SMARCAL1: variants seen among roughly 807,000 people sequenced by gnomAD.
SMARCAL1 encodes SNF2 related chromatin remodeling annealing helicase 1, also known as ATP-driven annealing helicase.
In SMARCAL1, 58 loss-of-function variants were observed where a neutral mutation model predicts 94.5. The ratio of observed to expected loss-of-function variants is 0.61; its 90% CI spans 0.50 to 0.76. The LOEUF (loss-of-function observed/expected upper bound fraction) is 0.76, where lower values mean the gene tolerates loss of function less well. Among genes scored for constraint, SMARCAL1 ranks in the 30% least tolerant of loss-of-function variants. The pLI is 0.00. For synonymous variants in SMARCAL1, 422 were observed against 455.1 expected (o/e 0.93, Z 0.93); for missense variants, 1,051 against 1,177.9 (o/e 0.89, Z 1.58).
At chr2:216,455,162 C>T (rs1035950130) in intron 12 of SMARCAL1, among the ~76,000 whole-genome samples, 58 of 152,276 alleles carry the variant, frequency 3.8e-4, no homozygotes, top group African/African-American at 1.2e-3. Context: ...GAGGGGTGCC[C>T]GCCATTGCTG....
Position 216,425,136 on chromosome 2 carries a change from C to T in SMARCAL1, c.1147+1453C>T, listed in dbSNP as rs113416526. On this transcript the variant is annotated intron_variant, in intron 6 of 17. Coordinates refer to ENST00000357276, the MANE Select transcript of SMARCAL1 (RefSeq NM_014140.4). The stretch of plus-strand genomic sequence containing the variant: ...CCCACTCGACCTGGCAGGCTGCGCT[C>T]GGCTCACGCTACCAGTCCAGATTCC... Among the ~76,000 whole-genome samples, 344 of 152,298 alleles carry T rather than the reference C, an allele frequency of 2.3e-3. 1 individual carries two copies. The highest frequency in any genetic ancestry group is 4.1e-3 in the Non-Finnish European group (282 of 68,032).
chr2:216,423,769 C>G (rs1174930206), intron 6 of SMARCAL1, 86 bp downstream of exon 6: 3 of 1,202,894 alleles, frequency 2.5e-6, no homozygotes, highest in Non-Finnish European at 3.7e-6. Context: ...TTTGAAGAAT[C>G]TTCTCCTCCC....
intron 6 of SMARCAL1, among the ~76,000 whole-genome samples, chr2:216,427,777 A>G (rs1345959824): frequency 3.3e-5 from 5 of 152,246 alleles, no homozygotes; most frequent in African/African-American, 1.2e-4. Context: ...CGTTCACATC[A>G]GTATTTACAG....
In SMARCAL1 at chr2:216,414,823, C is replaced by T. The variant is rs1693551035; in HGVS notation, c.119C>T (p.Thr40Ile). The change falls in exon 3 of 18, where the codon ACC (threonine) becomes ATC (isoleucine). Residue 40 changes from threonine (T) to isoleucine (I), a missense_variant. By Grantham distance (89) the Thr-to-Ile change is moderately conservative. Coordinates refer to ENST00000357276, the MANE Select transcript of SMARCAL1 (RefSeq NM_014140.4). ...AEQHQRTSSG[T>I]SIAGNPFQAK... ...CAGCATCAGAGGACTAGCTCGGGCACCTCCATTGCTGGCAACCCATTCCAG... is the reference window on the plus strand; with the variant it reads ...CAGCATCAGAGGACTAGCTCGGGCATCTCCATTGCTGGCAACCCATTCCAG... The T allele has an allele frequency of 6.2e-7, 1 of 1,614,224 alleles. No individual in the cohort carries two copies. Among genetic ancestry groups the T allele is most frequent in the Non-Finnish European group, 8.5e-7 (1 of 1,180,046 alleles).
intron 12 of SMARCAL1, among the ~76,000 whole-genome samples, chr2:216,457,135 C>T (rs2106062954): frequency 6.6e-6 from 1 of 151,150 alleles, no homozygotes; most frequent in East Asian, 2.0e-4. Flanking sequence ...ACAAGAAGAG[C>T]TAACTATCCT....
rs1021161930 is a variant in SMARCAL1 at position 216,428,604 on chromosome 2, G to T, written c.1156G>T (p.Val386Leu). 2 of 1,613,608 alleles carry T rather than the reference G, an allele frequency of 1.2e-6. No individual in the cohort carries two copies. Among genetic ancestry groups the T allele is most frequent in the African/African-American group, 2.7e-5 (2 of 74,904 alleles). ...TCTGTTCTTCTTTTCAGTTGCAAAGGTGCGCTGCCTCCCACAAGTTCAGCT... is the reference window on the plus strand; with the variant it reads ...TCTGTTCTTCTTTTCAGTTGCAAAGTTGCGCTGCCTCCCACAAGTTCAGCT... ...LEEHSKLIAKVRCLPQVQLDP... is the reference protein window; with the variant it reads ...LEEHSKLIAKLRCLPQVQLDP... Residue 386 changes from valine to leucine, a missense_variant, in exon 7 of 18, where the codon GTG becomes TTG. Physicochemically the swap from Val to Leu is conservative, Grantham distance 32 (BLOSUM62 1). Coordinates refer to ENST00000357276, the MANE Select transcript of SMARCAL1 (RefSeq NM_014140.4).
intron 14 of SMARCAL1, among the ~76,000 whole-genome samples, chr2:216,471,379 G>A (rs1252427148): frequency 6.8e-6 from 1 of 146,110 alleles, no homozygotes; most frequent in African/African-American, 2.6e-5. Context: ...TTTTTGAGGT[G>A]GAGTTTTTGC....
At chr2:216,427,238 G>A (rs367704151) in intron 6 of SMARCAL1, 2 of 152,370 alleles carry the variant, frequency 1.3e-5, no homozygotes, top group East Asian at 3.9e-4. Flanking sequence ...GGAAAGGACA[G>A]TAGAGACAGT....
chr2:216,451,875 T>C (rs1023446099), intron 12 of SMARCAL1, among the ~76,000 whole-genome samples: 1 of 152,208 alleles, frequency 6.6e-6, no homozygotes, highest in Non-Finnish European at 1.5e-5. Flanking sequence ...TTCAACATCA[T>C]GAAGCATTAT....
At chr2:216,474,233 G>A (rs1278659269) in intron 14 of SMARCAL1, among the ~76,000 whole-genome samples, 2 of 140,388 alleles carry the variant, frequency 1.4e-5, no homozygotes, top group Non-Finnish European at 1.5e-5. Flanking sequence ...TCTGCCTCCC[G>A]GATTCAAGTG....
chr2:216,451,879 G>A (rs1003214926), intron 12 of SMARCAL1, among the ~76,000 whole-genome samples: 2 of 152,178 alleles, frequency 1.3e-5, no homozygotes, highest in Non-Finnish European at 2.9e-5. Flanking sequence ...ACATCATGAA[G>A]CATTATCTGG....
chr2:216,445,488 A>T (rs1054007921), intron 10 of SMARCAL1, among the ~76,000 whole-genome samples: 33 of 152,144 alleles, frequency 2.2e-4, no homozygotes, highest in Non-Finnish European at 1.5e-5. Context: ...CCTGGAGTTA[A>T]TTTCCATCAT....
chr2:216,446,907 G>A (rs284550), intron 10 of SMARCAL1, 111 bp from the exon 11 acceptor site: 20 of 1,252,720 alleles, frequency 1.6e-5, no homozygotes, highest in Middle Eastern at 1.9e-4. Context: ...CTCGCGACAC[G>A]CACGCGGTCT....
Position 216,420,410 on chromosome 2 carries a change from C to T in SMARCAL1, c.974C>T (p.Ala325Val), listed in dbSNP as rs1306445412. 7 of 1,614,184 alleles carry T rather than the reference C, an allele frequency of 4.3e-6. No individual in the cohort carries two copies. Among genetic ancestry groups the T allele is most frequent in the Non-Finnish European group, 5.9e-6 (7 of 1,180,026 alleles). ...GAGGGACAGGCCGGCCTTCCATCAG[C>T]TCCATCCCTTTCATTTGTCAAAGGG... ...SSEGQAGLPS[A>V]PSLSFVKGRC... is the part of the protein sequence containing the mutation. The change falls in exon 5 of 18, where the codon GCT becomes GTT. Residue 325 changes from alanine to valine, a missense_variant. Around this residue, in one of 3 missense-constraint regions of SMARCAL1, gnomAD observed 398 missense variants for 395.2 expected, o/e 1.01. Coordinates refer to ENST00000357276, the MANE Select transcript of SMARCAL1 (RefSeq NM_014140.4).
chr2:216,446,921 T>C, intron 10 of SMARCAL1, 97 bp from the exon 11 acceptor site: 1 of 1,477,894 alleles, frequency 6.8e-7, no homozygotes, highest in South Asian at 1.1e-5. Context: ...GCGGTCTTTT[T>C]CTGGGGGCAT....
intron 14 of SMARCAL1, among the ~76,000 whole-genome samples, chr2:216,472,809 A>C (rs1202302761): frequency 6.6e-6 from 1 of 152,136 alleles, no homozygotes. Context: ...CCATCAAGTC[A>C]GTAGAGGTTT....
intron 10 of SMARCAL1, among the ~76,000 whole-genome samples, chr2:216,443,366 CA>C (rs34568945): frequency 7.3e-3 from 591 of 81,038 alleles, no homozygotes; most frequent in Non-Finnish European, 0.011. Flanking sequence ...CACTCTGTCT[CA>C]AAAAAAAAAA....
intron 7 of SMARCAL1, among the ~76,000 whole-genome samples, chr2:216,431,752 T>A (rs1386275543): frequency 6.6e-6 from 1 of 152,200 alleles, no homozygotes; most frequent in Admixed American, 6.5e-5. Flanking sequence ...AATAGTGGAA[T>A]ACACCTTTAT....
chr2:216,414,842 A>T lies in SMARCAL1; in HGVS notation c.138A>T (p.Pro46=). The change falls in exon 3 of 18, where the codon CCA becomes CCT. Residue 46 remains proline, a synonymous_variant. Coordinates refer to ENST00000357276, the MANE Select transcript of SMARCAL1 (RefSeq NM_014140.4). ...CGGGCACCTCCATTGCTGGCAACCC[A>T]TTCCAGGCCAAGCAAGGCCCATCCC... The part of the protein sequence containing the change: ...TSSGTSIAGN[P]FQAKQGPSQN... 1 of 1,614,202 alleles carries T rather than the reference A, an allele frequency of 6.2e-7. No individual in the cohort carries two copies. Among genetic ancestry groups the T allele is most frequent in the Non-Finnish European group, 8.5e-7 (1 of 1,180,038 alleles).
Sources: allele counts gnomAD v4.1 joint callset (sites outside exome capture counted in the v4.1 genomes callset), GRCh38; gene constraint gnomAD v4.1.1; regional missense constraint gnomAD v4.1.1; transcripts MANE v1.5; gene names NCBI Gene and HGNC (gene_info 2026-07-23, HGNC 2026-07-21).